The following WFS1 variants were observed in gnomAD, a reference collection of about 807,000 sequenced individuals.
WFS1 encodes wolframin.
A neutral mutation model predicts 68.5 loss-of-function variants in WFS1; 90 were observed. The observed-to-expected ratio is 1.31, with a 90% CI of 1.11 to 1.56. WFS1 has a LOEUF of 1.56. WFS1 is among the 40% of genes most tolerant of loss of function. The pLI, the probability that WFS1 is intolerant of heterozygous loss-of-function variation, is 0.00. For missense variants in WFS1, 1,767 were observed against 1,232.6 expected (o/e 1.43, Z -6.49); for synonymous variants, 860 against 540.7 (o/e 1.59, Z -8.19).
Position 6,302,005 on chromosome 4 carries a change from A to G in WFS1, c.2210A>G (p.Glu737Gly). Residue 737 changes from glutamate (E) to glycine (G), a missense_variant, in exon 8 of 8, where the codon GAG becomes GGG. Coordinates refer to ENST00000226760, the MANE Select transcript of WFS1 (RefSeq NM_006005.3). ...IGDWMRCLYGEAYPACSPGNT... is the reference protein window; with the variant it reads ...IGDWMRCLYGGAYPACSPGNT... ...GACTGGATGCGCTGCCTCTACGGCG[A>G]GGCCTACCCTGCCTGCAGCCCTGGC... The G allele has an allele frequency of 6.2e-7, 1 of 1,612,670 alleles. No individual in the cohort carries two copies. Among genetic ancestry groups the G allele is most frequent in the East Asian group, 2.2e-5 (1 of 44,854 alleles).
chr4:6,301,078 C>G lies in WFS1; in HGVS notation c.1283C>G (p.Pro428Arg). The G allele has an allele frequency of 4.3e-6, 7 of 1,614,114 alleles. No individual in the cohort carries two copies. The highest frequency in any genetic ancestry group is 5.9e-6 in the Non-Finnish European group (7 of 1,180,026). Residue 428 changes from proline to arginine, a missense_variant, in exon 8 of 8, where the codon CCC becomes CGC. Transcript: ENST00000226760. Reference sequence around the variant, plus strand: ...CCCATCGCCAGCAAGGACTGCATCCCCTGCTCGGAGCTGGCTGTCATCACC... The same window carrying G: ...CCCATCGCCAGCAAGGACTGCATCCGCTGCTCGGAGCTGGCTGTCATCACC... ...SFPIASKDCI[P>R]CSELAVITGF...
intron 4 of WFS1, 94 bp downstream of exon 4, chr4:6,289,225 A>C: frequency 1.4e-6 from 2 of 1,449,082 alleles, no homozygotes; most frequent in Non-Finnish European, 1.9e-6. Context: ...ACCAAACCTA[A>C]CGCTGGTGAT....
intron 2 of WFS1, among the ~76,000 whole-genome samples, chr4:6,280,462 A>T (rs551039404): frequency 6.6e-6 from 1 of 152,300 alleles, no homozygotes; most frequent in African/African-American, 2.4e-5. Context: ...CCCAGCAGGC[A>T]CAGAGAGGTA....
chr4:6,288,910 A>C, intron 3 of WFS1, 77 bp from the exon 4 acceptor site: 1 of 1,564,148 alleles, frequency 6.4e-7, no homozygotes, highest in South Asian at 1.2e-5. Flanking sequence ...AAGTGGGTGA[A>C]AGGAGGTGGG....
chr4:6,270,394 G>A (rs1379024897), intron 1 of WFS1, among the ~76,000 whole-genome samples: 1 of 151,808 alleles, frequency 6.6e-6, no homozygotes, highest in Non-Finnish European at 1.5e-5. Flanking sequence ...CTCCCCCGCG[G>A]TCCCGGGACC....
rs71528901 is a variant in WFS1, at chr4:6,303,105, T to C, written c.*637T>C. The C allele has an allele frequency of 0.016, 2,431 of 155,452 alleles. 53 individuals carry two copies. The highest frequency in any genetic ancestry group is 0.055 in the African/African-American group (2,285 of 41,528). 9.6% of individuals were successfully genotyped at this position (155,452 alleles called of 1,614,324 possible). On this transcript the variant is annotated 3_prime_UTR_variant, in exon 8 of 8. Transcript: ENST00000226760. The stretch of plus-strand genomic sequence containing the variant: ...GGTAGTGGGTGAATGTGTGAAGGTC[T>C]TGCCTGAATCCATCAGGACTTGGGA...
intron 5 of WFS1, 132 bp downstream of exon 5, chr4:6,291,499 TGAGG>T: frequency 7.9e-7 from 1 of 1,260,002 alleles, no homozygotes; most frequent in South Asian, 1.3e-5. Context: ...ACCTTCCCTG[TGAGG>T]ACAGGGCCCT....
Position 6,302,637 on chromosome 4 carries a change from G to A in WFS1, c.*169G>A. On this transcript the variant is annotated 3_prime_UTR_variant, in exon 8 of 8. Coordinates refer to ENST00000226760, the MANE Select transcript of WFS1 (RefSeq NM_006005.3). ...ATTGCGTGGACCCCGACAAAGGGAA[G>A]GCTGCTGTGTAGCTCTGTCCACTCT... 1.1e-6 allele frequency: 1 copy of A among 947,970 alleles called. No homozygotes were observed. Among genetic ancestry groups the A allele is most frequent in the Admixed American group, 2.3e-5 (1 of 43,208 alleles). The allele number at this position is 947,970 out of a possible 1,614,324, so 58.7% of individuals were successfully genotyped here.
At chr4:6,280,876 T>C (rs1176778722) in intron 2 of WFS1, among the ~76,000 whole-genome samples, 2 of 152,040 alleles carry the variant, frequency 1.3e-5, no homozygotes, top group Non-Finnish European at 2.9e-5. Flanking sequence ...ATTCGGGAGC[T>C]TTCCGAGTCG....
At position 6,301,260 on chromosome 4, in the gene WFS1, A is replaced by G. The variant is rs777121306; in HGVS notation, c.1465A>G (p.Ile489Val). 2 of 1,611,356 alleles carry G rather than the reference A, an allele frequency of 1.2e-6. No homozygotes were observed. Among genetic ancestry groups the G allele is most frequent in the Admixed American group, 1.7e-5 (1 of 60,024 alleles). Residue 489 changes from isoleucine to valine, a missense_variant, in exon 8 of 8, where the codon ATC (isoleucine) becomes GTC (valine). By Grantham distance (29) the Ile-to-Val change is conservative. Transcript: ENST00000226760. ...CCTGAAGGTCCTTGGCCAGACCTTC[A>G]TCACCGTGCCTGTCGGCCACCTGGT... is the stretch of plus-strand genomic sequence containing the variant. Reference protein sequence around the residue: ...PYLKVLGQTFITVPVGHLVVL... With the variant: ...PYLKVLGQTFVTVPVGHLVVL...
Position 6,298,766 on chromosome 4 carries a change from C to T in WFS1, c.862-1891C>T, listed in dbSNP as rs146638864. Among the ~76,000 whole-genome samples, 1,385 of 152,350 alleles carry T rather than the reference C, an allele frequency of 9.1e-3. 25 individuals are homozygous for T. The highest frequency in any genetic ancestry group is 0.03 in the African/African-American group (1,252 of 41,580). On this transcript the variant is annotated intron_variant, in intron 7 of 7. Transcript: ENST00000226760. Reference sequence around the variant, plus strand: ...GTCCTGGTCCTCCAGAGCTGATAGCCAGGCTGTTGGCAGGTGAGGGCCACA... The same window carrying T: ...GTCCTGGTCCTCCAGAGCTGATAGCTAGGCTGTTGGCAGGTGAGGGCCACA...
In WFS1 at chr4:6,300,906, T is replaced by G. The variant is rs2109125335; in HGVS notation, c.1111T>G (p.Trp371Gly). 6.2e-7 allele frequency: 1 copy of G among 1,614,184 alleles called. No individual in the cohort carries two copies. The highest frequency in any genetic ancestry group is 8.5e-7 in the Non-Finnish European group (1 of 1,180,028). The change falls in exon 8 of 8, where the codon TGG (tryptophan) becomes GGG (glycine). Residue 371 changes from tryptophan (W) to glycine (G), a missense_variant. Transcript: ENST00000226760. The part of the protein sequence containing the change: ...TLKVFQDSKA[W>G]ENFRTLTDLL... ...CAAGGTGTTCCAGGACAGCAAGGCC[T>G]GGGAGAACTTCCGCACCCTCACCGA...
chr4:6,280,748 C>A (rs1446453949), intron 2 of WFS1, among the ~76,000 whole-genome samples: 1 of 152,162 alleles, frequency 6.6e-6, no homozygotes, highest in Non-Finnish European at 1.5e-5. Context: ...CTCCTGGGTA[C>A]CAGCCGAGGC....
intron 7 of WFS1, among the ~76,000 whole-genome samples, chr4:6,298,987 C>T (rs1314269520): frequency 2.6e-5 from 4 of 152,236 alleles, no homozygotes; most frequent in African/African-American, 7.2e-5. Flanking sequence ...GGCTTCCCTA[C>T]CCCCATGTGG....
chr4:6,300,839 C>T lies in WFS1; in HGVS notation c.1044C>T (p.Val348=), dbSNP rs750049491. The change falls in exon 8 of 8, where the codon GTC becomes GTT. Residue 348 remains valine (V), a synonymous_variant. Transcript: ENST00000226760. ...TCTTCGCCTTCTTCATCCCGCTGGT[C>T]ATCTTCTACCTGTCCTTCATCTCCA... ...IDFFAFFIPL[V]IFYLSFISMV... is the part of the protein sequence containing the mutation. 7 of 1,614,014 alleles carry T rather than the reference C, an allele frequency of 4.3e-6. No individual in the cohort carries two copies. The highest frequency in any genetic ancestry group is 2.2e-5 in the East Asian group (1 of 44,888).
At chr4:6,300,352 T>G (rs1414552460) in intron 7 of WFS1, among the ~76,000 whole-genome samples, 1 of 151,982 alleles carries the variant, frequency 6.6e-6, no homozygotes, top group Non-Finnish European at 1.5e-5. Flanking sequence ...GTCCCTCCAG[T>G]GCTGGAGGTC....
Position 6,300,822 on chromosome 4 carries a change from T to C in WFS1, c.1027T>C (p.Phe343Leu). ...VSNLTIDFFA[F>L]FIPLVIFYLS... ...CAACCTCACCATCGACTTCTTCGCC[T>C]TCTTCATCCCGCTGGTCATCTTCTA... The change falls in exon 8 of 8, where the codon TTC (phenylalanine) becomes CTC (leucine). Residue 343 changes from phenylalanine (F) to leucine (L), a missense_variant. Coordinates refer to ENST00000226760, the MANE Select transcript of WFS1 (RefSeq NM_006005.3). 2 of 1,614,046 alleles carry C rather than the reference T, an allele frequency of 1.2e-6. No homozygotes were observed. The highest frequency in any genetic ancestry group is 1.7e-6 in the Non-Finnish European group (2 of 1,179,944).
intron 2 of WFS1, among the ~76,000 whole-genome samples, chr4:6,284,164 G>A (rs1275673495): frequency 5.3e-5 from 8 of 152,074 alleles, no homozygotes; most frequent in Non-Finnish European, 7.4e-5. Flanking sequence ...GAGGTCAGGG[G>A]TTCGAGACCA....
chr4:6,289,211 T>A, intron 4 of WFS1, 80 bp downstream of exon 4: 1 of 1,503,578 alleles, frequency 6.7e-7, no homozygotes, highest in Non-Finnish European at 8.9e-7. Context: ...ACAACTAAAA[T>A]CTTACCAAAC....
Sources: allele counts gnomAD v4.1 joint callset (sites outside exome capture counted in the v4.1 genomes callset), GRCh38; gene constraint gnomAD v4.1.1; transcripts MANE v1.5; gene names NCBI Gene and HGNC (gene_info 2026-07-23, HGNC 2026-07-21).